The following B4GALT2 variants were observed in gnomAD, a reference collection of about 807,000 sequenced individuals.
B4GALT2 encodes the protein beta-1,4-galactosyltransferase 2.
B4GALT2 carries 18 observed loss-of-function variants against 33.2 expected under a neutral mutation model. That is an observed-to-expected ratio of 0.54 (90% CI 0.38 to 0.80). B4GALT2 has a LOEUF of 0.80. Among genes scored for constraint, B4GALT2 ranks in the 30% least tolerant of loss-of-function variants. The probability of loss-of-function intolerance (pLI) is 0.00; values close to 1 mark genes in which losing one functional copy is unlikely to be tolerated. For missense variants in B4GALT2, 404 were observed against 526.2 expected, an observed-to-expected ratio of 0.77 and a Z score of 2.27; for synonymous variants, 214 against 217.6, an observed-to-expected ratio of 0.98 and a Z score of 0.15.
chr1:43,979,870 G>T lies in B4GALT2; in HGVS notation c.-53+359G>T. The T allele has an allele frequency of 1.1e-6, 1 of 875,048 alleles. No homozygotes were observed. Among genetic ancestry groups the T allele is most frequent in the Admixed American group, 2.4e-5 (1 of 42,120 alleles). The allele number at this position is 875,048 out of a possible 1,614,324, so 54.2% of individuals were successfully genotyped here. On this transcript the variant is annotated intron_variant, in intron 1 of 6. Transcript: ENST00000372324. This position sits in a 1 kb window ranked among gnomAD's most constrained non-coding sequence, Gnocchi z 4.8. ...GTCTGTGCGGCCTGCCCGTCCGCGGGTGCCACGTGTTCAGCCTGCCAGCCC... is the reference window on the plus strand; with the variant it reads ...GTCTGTGCGGCCTGCCCGTCCGCGGTTGCCACGTGTTCAGCCTGCCAGCCC...
At position 43,981,116 on chromosome 1, in the gene B4GALT2, G is replaced by C; in HGVS notation, c.-45G>C. The C allele has an allele frequency of 6.3e-7, 1 of 1,585,730 alleles. No individual in the cohort carries two copies. The highest frequency in any genetic ancestry group is 8.5e-7 in the Non-Finnish European group (1 of 1,172,696). On this transcript the variant is annotated 5_prime_UTR_variant, in exon 2 of 7. Transcript: ENST00000372324. The surrounding 1 kb of genome is among the most constrained non-coding windows in gnomAD (Gnocchi z 8.1). Reference sequence around the variant, plus strand: ...CCCTCCCACCCTGCTCAGGCCAGCAGCCGGATGCCCGGGCCCACTGGGCGG... The same window carrying C: ...CCCTCCCACCCTGCTCAGGCCAGCACCCGGATGCCCGGGCCCACTGGGCGG...
rs769733983 is a variant in B4GALT2, at chr1:43,981,371, A to C, written c.211A>C (p.Asn71His). Residue 71 changes from asparagine to histidine, a missense_variant, in exon 2 of 7, where the codon AAC becomes CAC. Physicochemically the swap from Asn to His is moderately conservative, Grantham distance 68. Coordinates refer to ENST00000372324, the MANE Select transcript of B4GALT2 (RefSeq NM_003780.5). This position sits in a 1 kb window ranked among gnomAD's most constrained non-coding sequence, Gnocchi z 8.1. ...CAGCAGCAGCAACTGCTCCCGGCCC[A>C]ACGCCACCGCCTCTAGCTCCGGGCT... is the stretch of plus-strand genomic sequence containing the variant. ...SSSSSNCSRPNATASSSGLPE... is the reference protein window; with the variant it reads ...SSSSSNCSRPHATASSSGLPE... 5 of 1,598,866 alleles carry C rather than the reference A, an allele frequency of 3.1e-6. No individual in the cohort carries two copies. The South Asian group carries it at 5.5e-5, about 18-fold the overall frequency.
In B4GALT2 at chr1:43,979,929, C is replaced by A; in HGVS notation, c.-53+418C>A. ...CGCACCCCTCAGCCTGGCCGCCAGC[C>A]TGACCCAGAACCCCTGCGCCGGAGG... On this transcript the variant is annotated intron_variant, in intron 1 of 6. Transcript: ENST00000372324. The surrounding 1 kb of genome is among the most constrained non-coding windows in gnomAD (Gnocchi z 4.8). 6.7e-7 allele frequency: 1 copy of A among 1,497,796 alleles called. No individual in the cohort carries two copies. Among genetic ancestry groups the A allele is most frequent in the Non-Finnish European group, 8.9e-7 (1 of 1,119,168 alleles). The allele number at this position is 1,497,796 out of a possible 1,614,324, so 92.8% of individuals were successfully genotyped here. A position where few individuals can be genotyped will look rare whatever the true frequency, so the allele number is the denominator to read the frequency against.
At chr1:43,987,088 C>CAG (rs1201930347) in intron 6 of B4GALT2, among the ~76,000 whole-genome samples, 1 of 152,084 alleles carries the variant, frequency 6.6e-6, no homozygotes, top group Non-Finnish European at 1.5e-5. Context: ...AAACTATGGT[C>CAG]AGCAGGAAAC....
In B4GALT2 at chr1:43,979,281, T is replaced by C. The variant is rs2085566583; in HGVS notation, c.-283T>C. On this transcript the variant is annotated 5_prime_UTR_variant, in exon 1 of 7. Transcript: ENST00000372324. The surrounding 1 kb of genome is among the most constrained non-coding windows in gnomAD (Gnocchi z 4.8). ...GTCCGTGGGTCCGCCGGTCCGTGGGTCTGCCCGGCCGCCCGGCCCCGCCCT... is the reference window on the plus strand; with the variant it reads ...GTCCGTGGGTCCGCCGGTCCGTGGGCCTGCCCGGCCGCCCGGCCCCGCCCT... 6.9e-6 allele frequency: 1 copy of C among 144,846 alleles called. No homozygotes were observed. Among genetic ancestry groups the C allele is most frequent in the African/African-American group, 2.5e-5 (1 of 39,914 alleles). The allele number at this position is 144,846 out of a possible 1,614,324, so 9.0% of individuals were successfully genotyped here.
At chr1:43,989,178 C>T (rs1327040745) in intron 6 of B4GALT2, among the ~76,000 whole-genome samples, 1 of 152,048 alleles carries the variant, frequency 6.6e-6, no homozygotes, top group East Asian at 1.9e-4. Context: ...GAAACCCCAT[C>T]TCTACTAAAA....
intron 6 of B4GALT2, among the ~76,000 whole-genome samples, chr1:43,988,800 C>T (rs142403710): frequency 0.029 from 4,279 of 148,692 alleles, 155 homozygotes; most frequent in African/African-American, 0.085. Context: ...TGAGCCGAGA[C>T]CGCGCCACTA....
In B4GALT2 at chr1:43,982,341, T is replaced by G. The variant is rs1295517354; in HGVS notation, c.549+417T>G. On this transcript the variant is annotated intron_variant, in intron 3 of 6. Transcript: ENST00000372324. This position sits in a 1 kb window ranked among gnomAD's most constrained non-coding sequence, Gnocchi z 4.3. ...TCTTAAGGCCTTTGGTGGACCTGGC[T>G]AGGGCTGGCCACTAGGTCCCAGAAG... is the stretch of plus-strand genomic sequence containing the variant. 6.6e-6 allele frequency among the ~76,000 whole-genome samples: 1 copy of G among 152,096 alleles called. No homozygotes were observed. Among genetic ancestry groups the G allele is most frequent in the Non-Finnish European group, 1.5e-5 (1 of 67,992 alleles).
chr1:43,981,921 C>T lies in B4GALT2; in HGVS notation c.546C>T (p.Asn182=), dbSNP rs746332418. The change falls in exon 3 of 7, where the codon AAC becomes AAT. Residue 182 remains asparagine, a synonymous_variant. Transcript: ENST00000372324. This position sits in a 1 kb window ranked among gnomAD's most constrained non-coding sequence, Gnocchi z 8.1. ...QRLRYGVYVI[N]QHGEDTFNRA... ...TGCGCTACGGCGTCTATGTCATCAA[C>T]CAGGTGCCCATGCGGGGGTCCATGT... is the stretch of plus-strand genomic sequence containing the variant. 1.2e-6 allele frequency: 2 copies of T among 1,613,550 alleles called. No individual in the cohort carries two copies. The highest frequency in any genetic ancestry group is 1.7e-6 in the Non-Finnish European group (2 of 1,179,848).
chr1:43,987,664 C>G (rs757916674), intron 6 of B4GALT2, among the ~76,000 whole-genome samples: 2 of 152,208 alleles, frequency 1.3e-5, no homozygotes, highest in Non-Finnish European at 2.9e-5. Context: ...ACTGGTTTCC[C>G]TGTTTATGGC....
At position 43,984,903 on chromosome 1, in the gene B4GALT2, C is replaced by T. The variant is rs200755993; in HGVS notation, c.588C>T (p.Asn196=). 1.1e-5 allele frequency: 17 copies of T among 1,613,908 alleles called. No individual in the cohort carries two copies. The highest frequency in any genetic ancestry group is 9.3e-5 in the African/African-American group (7 of 74,914). ...CCTTCAACCGGGCCAAGCTGCTTAA[C>T]GTGGGCTTCCTAGAGGCGCTGAAGG... ...EDTFNRAKLL[N]VGFLEALKED... is the part of the protein sequence containing the mutation. The change falls in exon 4 of 7, where the codon AAC becomes AAT. Residue 196 remains asparagine (N), a synonymous_variant. Transcript: ENST00000372324. This position sits in a 1 kb window ranked among gnomAD's most constrained non-coding sequence, Gnocchi z 5.6.
chr1:43,990,475 C>T lies in B4GALT2; in HGVS notation c.*27C>T, dbSNP rs755541549. The T allele has an allele frequency of 8.6e-5, 138 of 1,613,206 alleles. No individual in the cohort carries two copies. The highest frequency in any genetic ancestry group is 1.1e-4 in the Non-Finnish European group (126 of 1,179,862). ...ACTAATGGACAGAGGCTCTCGGTGC[C>T]GAAGATTGCCTGCCAGAGGACTGAC... On this transcript the variant is annotated 3_prime_UTR_variant, in exon 7 of 7. Coordinates refer to ENST00000372324, the MANE Select transcript of B4GALT2 (RefSeq NM_003780.5).
At position 43,979,927 on chromosome 1, in the gene B4GALT2, G is replaced by C. The variant is rs1003068024; in HGVS notation, c.-53+416G>C. ...AACGCACCCCTCAGCCTGGCCGCCA[G>C]CCTGACCCAGAACCCCTGCGCCGGA... On this transcript the variant is annotated intron_variant, in intron 1 of 6. Coordinates refer to ENST00000372324, the MANE Select transcript of B4GALT2 (RefSeq NM_003780.5). The surrounding 1 kb of genome is among the most constrained non-coding windows in gnomAD (Gnocchi z 4.8). 1 of 1,492,912 alleles carries C rather than the reference G, an allele frequency of 6.7e-7. No homozygotes were observed. Among genetic ancestry groups the C allele is most frequent in the Non-Finnish European group, 9.0e-7 (1 of 1,115,202 alleles). The allele number at this position is 1,492,912 out of a possible 1,614,324, so 92.5% of individuals were successfully genotyped here. A position where few individuals can be genotyped will look rare whatever the true frequency, so the allele number is the denominator to read the frequency against.
chr1:43,980,880 A>G (rs1278160666), intron 1 of B4GALT2, among the ~76,000 whole-genome samples: 1 of 152,136 alleles, frequency 6.6e-6, no homozygotes, highest in Non-Finnish European at 1.5e-5. Context: ...AGGTAAATGT[A>G]TGTGGCTTAG....
chr1:43,990,280 C>G lies in B4GALT2; in HGVS notation c.969-18C>G, dbSNP rs746679155. ...TACAGTTGTTAGCCCTGATGTGGAC[C>G]ATTTCCATCCTATCTAGGTTTACCA... On this transcript the variant is annotated intron_variant, in intron 6 of 6. Transcript: ENST00000372324. 6.2e-7 allele frequency: 1 copy of G among 1,613,674 alleles called. No homozygotes were observed. The highest frequency in any genetic ancestry group is 8.5e-7 in the Non-Finnish European group (1 of 1,179,620).
chr1:43,981,191 C>T lies in B4GALT2; in HGVS notation c.31C>T (p.Arg11Cys), dbSNP rs1292925077. 5.6e-6 allele frequency: 9 copies of T among 1,601,038 alleles called. No individual in the cohort carries two copies. The highest frequency in any genetic ancestry group is 2.2e-5 in the East Asian group (1 of 44,870). Residue 11 changes from arginine (R) to cysteine (C), a missense_variant, in exon 2 of 7, where the codon CGC (arginine) becomes TGC (cysteine). By Grantham distance (180) the Arg-to-Cys change is radical (BLOSUM62 -3). Coordinates refer to ENST00000372324, the MANE Select transcript of B4GALT2 (RefSeq NM_003780.5). This position sits in a 1 kb window ranked among gnomAD's most constrained non-coding sequence, Gnocchi z 8.1. MSRLLGGTLE[R>C]VCKAVLLLCL... The stretch of plus-strand genomic sequence containing the variant: ...CAGACTGCTGGGGGGGACGCTGGAG[C>T]GCGTCTGCAAGGCTGTGCTCCTTCT...
chr1:43,986,629 C>G (rs2154303346), intron 6 of B4GALT2, among the ~76,000 whole-genome samples: 2 of 152,250 alleles, frequency 1.3e-5, no homozygotes, highest in South Asian at 4.2e-4. Flanking sequence ...GGGGGAAAGT[C>G]ACGTCTGGAT....
rs2085718556 is a variant in B4GALT2, at chr1:43,990,485, C to G, written c.*37C>G. The G allele has an allele frequency of 6.2e-7, 1 of 1,612,500 alleles. No homozygotes were observed. Among genetic ancestry groups the G allele is most frequent in the South Asian group, 1.1e-5 (1 of 91,020 alleles). ...AGAGGCTCTCGGTGCCGAAGATTGC[C>G]TGCCAGAGGACTGACCACAGCCTGG... On this transcript the variant is annotated 3_prime_UTR_variant, in exon 7 of 7. Transcript: ENST00000372324.
In B4GALT2 at chr1:43,984,116, C is replaced by T. The variant is rs1011441254; in HGVS notation, c.550-749C>T. 1.3e-5 allele frequency among the ~76,000 whole-genome samples: 2 copies of T among 152,234 alleles called. No individual in the cohort carries two copies. Among genetic ancestry groups the T allele is most frequent in the Non-Finnish European group, 2.9e-5 (2 of 68,032 alleles). On this transcript the variant is annotated intron_variant, in intron 3 of 6. Transcript: ENST00000372324. This position sits in a 1 kb window ranked among gnomAD's most constrained non-coding sequence, Gnocchi z 5.6. ...TAGGCCTACATGGCCAGGACCCCTG[C>T]AGCCCCAATTCTCAGGGGACCCCAG...
Sources: allele counts gnomAD v4.1 joint callset (sites outside exome capture counted in the v4.1 genomes callset), GRCh38; gene constraint gnomAD v4.1.1; non-coding constraint Gnocchi (gnomAD v3.1); transcripts MANE v1.5; gene names NCBI Gene and HGNC (gene_info 2026-07-23, HGNC 2026-07-21).